Variants in ABI3BP observed in about 807,000 individuals in gnomAD.
The protein encoded by ABI3BP is target of Nesh-SH3.
Under a neutral mutation model 268.6 loss-of-function variants are expected in ABI3BP, and 216 were observed. The observed-to-expected ratio is 0.80, with a 90% CI of 0.72 to 0.90. ABI3BP has a LOEUF of 0.90. Ranked by LOEUF, ABI3BP falls within the 40% of genes least tolerant of loss-of-function variation. ABI3BP has a pLI of 0.00. For synonymous variants in ABI3BP, 730 were observed against 730.0 expected, an observed-to-expected ratio of 1.00 and a Z score of 0.00; for missense variants, 2,090 against 2,182.4, an observed-to-expected ratio of 0.96 and a Z score of 0.84.
At chr3:100,957,894 A>G (rs544816259) in intron 1 of ABI3BP, among the ~76,000 whole-genome samples, 52 of 152,334 alleles carry the variant, frequency 3.4e-4, no homozygotes, top group Admixed American at 2.1e-3. Context: ...ACAGATTGAT[A>G]TGTGGTAAAG....
chr3:100,926,245 T>C, intron 2 of ABI3BP, 57 bp downstream of exon 2: 1 of 1,562,838 alleles, frequency 6.4e-7, no homozygotes, highest in Admixed American at 1.7e-5. Context: ...TAGGTCATGT[T>C]ACACCCCCCC....
intron 51 of ABI3BP, 35 bp from the exon 52 acceptor site, chr3:100,796,503 T>TA: frequency 1.3e-6 from 2 of 1,516,324 alleles, no homozygotes; most frequent in Non-Finnish European, 1.8e-6. Context: ...CTGCATACTC[T>TA]AAATAACCCA....
chr3:100,973,470 C>T (rs1473263258), intron 1 of ABI3BP, among the ~76,000 whole-genome samples: 1 of 152,054 alleles, frequency 6.6e-6, no homozygotes, highest in East Asian at 1.9e-4. Flanking sequence ...AAATAAGACC[C>T]ATGGAAGTTA....
At position 100,850,670 on chromosome 3, in the gene ABI3BP, C is replaced by T. The variant is rs1560808431; in HGVS notation, c.1416G>A (p.Arg472=). 1.2e-6 allele frequency: 2 copies of T among 1,610,856 alleles called. No individual in the cohort carries two copies. The highest frequency in any genetic ancestry group is 1.3e-5 in the African/African-American group (1 of 74,842). ...TGTTAAAAACATTACCCAGTGTTGC[C>T]CTTGGCTGTTCAAGAGTTCTAGAAG... ...PKTSRTLEQP[R]ATLAPSETPF... Residue 472 remains arginine (R), a synonymous_variant, in exon 16 of 68, where the codon AGG becomes AGA. Coordinates refer to ENST00000471714, the MANE Select transcript of ABI3BP (RefSeq NM_001375547.2).
At chr3:100,969,688 C>A (rs2082729789) in intron 1 of ABI3BP, among the ~76,000 whole-genome samples, 1 of 152,020 alleles carries the variant, frequency 6.6e-6, no homozygotes, top group African/African-American at 2.4e-5. Context: ...GAAAAAAAAT[C>A]ATGTTTTTTT....
chr3:100,817,462 C>A lies in ABI3BP; in HGVS notation c.3122G>T (p.Arg1041Ile). ...TAACGTTGTTTCTGGAAACTTGGTT[C>A]TAAAAGTGTCAGGTTCAAGGACTGT... The part of the protein sequence containing the change: ...VTTVLEPDTF[R>I]TKFPETTLAP... The change falls in exon 42 of 68, where the codon AGA (arginine) becomes ATA (isoleucine). Residue 1041 changes from arginine (R) to isoleucine (I), a missense_variant. Arg to Ile is a moderately conservative substitution (Grantham distance 97). Coordinates refer to ENST00000471714, the MANE Select transcript of ABI3BP (RefSeq NM_001375547.2). 1.3e-6 allele frequency: 2 copies of A among 1,510,288 alleles called. No individual in the cohort carries two copies. Among genetic ancestry groups the A allele is most frequent in the South Asian group, 2.5e-5 (2 of 79,538 alleles). 93.6% of individuals were successfully genotyped at this position (1,510,288 alleles called of 1,614,324 possible). A position where few individuals can be genotyped will look rare whatever the true frequency, so the allele number is the denominator to read the frequency against.
chr3:100,927,723 G>C (rs1179499601), intron 1 of ABI3BP, among the ~76,000 whole-genome samples: 1 of 152,086 alleles, frequency 6.6e-6, no homozygotes. Flanking sequence ...AACCACCCTT[G>C]TGATCCAATC....
intron 40 of ABI3BP, 91 bp downstream of exon 40, chr3:100,820,129 T>C: frequency 1.7e-6 from 2 of 1,146,094 alleles, no homozygotes; most frequent in Non-Finnish European, 2.5e-6. Flanking sequence ...CACATGGTAC[T>C]CACACAGGCC....
At chr3:100,861,823 G>A (rs965766892) in intron 14 of ABI3BP, among the ~76,000 whole-genome samples, 2 of 152,126 alleles carry the variant, frequency 1.3e-5, no homozygotes, top group Non-Finnish European at 2.9e-5. Flanking sequence ...ATTATCAACC[G>A]CAAGGACCTG....
chr3:100,788,144 A>G (rs2097104534), intron 56 of ABI3BP, among the ~76,000 whole-genome samples: 1 of 152,170 alleles, frequency 6.6e-6, no homozygotes, highest in Admixed American at 6.6e-5. Flanking sequence ...TCAGGACTAC[A>G]TATGTCTAAT....
At chr3:100,945,988 C>A (rs1289478897) in intron 1 of ABI3BP, among the ~76,000 whole-genome samples, 3 of 152,080 alleles carry the variant, frequency 2.0e-5, no homozygotes, top group African/African-American at 7.2e-5. Context: ...AGAAAATGAG[C>A]TGTCTTGTTT....
At chr3:100,785,277 A>G (rs2096996716) in intron 57 of ABI3BP, among the ~76,000 whole-genome samples, 1 of 152,204 alleles carries the variant, frequency 6.6e-6, no homozygotes, top group Non-Finnish European at 1.5e-5. Flanking sequence ...AGAAGAGTCA[A>G]CAGAGGCTGA....
chr3:100,946,365 T>C (rs1044796839), intron 1 of ABI3BP, among the ~76,000 whole-genome samples: 18 of 135,690 alleles, frequency 1.3e-4, no homozygotes, highest in Non-Finnish European at 2.7e-4. Context: ...CAAGACTCTA[T>C]CTCAAAAAAA....
intron 1 of ABI3BP, among the ~76,000 whole-genome samples, chr3:100,977,263 T>C (rs540201654): frequency 3.9e-5 from 6 of 152,342 alleles, no homozygotes; most frequent in Admixed American, 3.3e-4. Flanking sequence ...CCTACATTAA[T>C]AGTTATCTAT....
chr3:100,851,953 A>C lies in ABI3BP; in HGVS notation c.1286-13T>G, dbSNP rs775163955. ...ACATCATAAGTTGCTTAAAAAAAAA[A>C]AAAAGGCAAAACAAGAGAGATGTTA... On this transcript the variant is annotated splice_polypyrimidine_tract_variant and intron_variant, in intron 14 of 67. Coordinates refer to ENST00000471714, the MANE Select transcript of ABI3BP (RefSeq NM_001375547.2). The C allele has an allele frequency of 4.2e-5, 65 of 1,545,532 alleles. No individual in the cohort carries two copies. Among genetic ancestry groups the C allele is most frequent in the African/African-American group, 5.6e-5 (4 of 72,050 alleles).
At chr3:100,989,754 T>G (rs753951443) in intron 1 of ABI3BP, among the ~76,000 whole-genome samples, 1 of 152,226 alleles carries the variant, frequency 6.6e-6, no homozygotes, top group African/African-American at 2.4e-5. Flanking sequence ...TTTTGTTGGC[T>G]CCTTTCATTA....
At chr3:100,771,284 C>T (rs62274051) in intron 61 of ABI3BP, among the ~76,000 whole-genome samples, 1 of 152,136 alleles carries the variant, frequency 6.6e-6, no homozygotes, top group Non-Finnish European at 1.5e-5. Context: ...ATACTAAACA[C>T]AGTTCTGGTC....
At chr3:100,759,603 ACT>A (rs1350903255) in intron 63 of ABI3BP, among the ~76,000 whole-genome samples, 1 of 152,154 alleles carries the variant, frequency 6.6e-6, no homozygotes, top group Non-Finnish European at 1.5e-5. Context: ...ATTCTGTGGT[ACT>A]GTTATCACTT....
At position 100,840,835 on chromosome 3, in the gene ABI3BP, G is replaced by T. The variant is rs1393322994; in HGVS notation, c.1789C>A (p.Pro597Thr). ...TIGPETPGTKPSTTLAPRKTK... is the reference protein window; with the variant it reads ...TIGPETPGTKTSTTLAPRKTK... ...ACTCTATTACCTAATGTTGTTGAAG[G>T]TTTGGTTCCTGGTGTTTCAGGTCCT... The change falls in exon 22 of 68, where the codon CCT (proline) becomes ACT (threonine). Residue 597 changes from proline to threonine, a missense_variant. Physicochemically the swap from Pro to Thr is conservative, Grantham distance 38. Transcript: ENST00000471714. 8 of 1,535,246 alleles carry T rather than the reference G, an allele frequency of 5.2e-6. No homozygotes were observed. In the Admixed American group the frequency reaches 1.2e-4, roughly 23 times the overall value.
Sources: gnomAD v4.1 joint callset for allele counts (sites outside exome capture counted in the v4.1 genomes callset) on GRCh38, gnomAD v4.1.1 for gene constraint, MANE v1.5 for transcripts, NCBI Gene and HGNC (gene_info 2026-07-23, HGNC 2026-07-21) for gene names.